EP400: variants seen among roughly 807,000 people sequenced by gnomAD.
The protein encoded by EP400 is E1A-binding protein p400.
In EP400, 105 loss-of-function variants were observed where a neutral mutation model predicts 354.1. That is an observed-to-expected ratio of 0.30 (90% CI 0.25 to 0.35). The LOEUF (loss-of-function observed/expected upper bound fraction) is 0.35, where lower values mean the gene tolerates loss of function less well. Among genes scored for constraint, EP400 ranks in the 10% least tolerant of loss-of-function variants. The pLI is 1.00. For synonymous variants in EP400, 1,646 were observed against 1,716.9 expected (o/e 0.96, Z 1.02); for missense variants, 3,280 against 4,121.0 (o/e 0.80, Z 5.59).
In EP400 at chr12:132,062,542, G is replaced by GCAA. The variant is rs770862381; in HGVS notation, c.8181_8183dup (p.Gln2748dup). On this transcript the variant is annotated inframe_insertion, in exon 47 of 53. Coordinates refer to ENST00000389561, the MANE Select transcript of EP400 (RefSeq NM_015409.5). The stretch of plus-strand genomic sequence containing the variant: ...TTCTCAGGCAGCAGCAGCAGCAGCA[G>GCAA]CAACAACAGCAGCAGCAGCAGCAGC... 4 of 1,145,952 alleles carry GCAA rather than the reference G, an allele frequency of 3.5e-6. No individual in the cohort carries two copies. The highest frequency in any genetic ancestry group is 2.4e-5 in the Admixed American group (1 of 41,158). The allele number at this position is 1,145,952 out of a possible 1,614,324, so 71.0% of individuals were successfully genotyped here.
In EP400 at chr12:132,067,897, C is replaced by T. The variant is rs940640821; in HGVS notation, c.8874+411C>T. 2.6e-5 allele frequency among the ~76,000 whole-genome samples: 4 copies of T among 152,254 alleles called. No homozygotes were observed. Among genetic ancestry groups the T allele is most frequent in the African/African-American group, 4.8e-5 (2 of 41,536 alleles). Reference sequence around the variant, plus strand: ...GGACAGGGATGCCGTACAGTCTGGACCCCAGACAGGGAATGTGGCCTCTGT... The same window carrying T: ...GGACAGGGATGCCGTACAGTCTGGATCCCAGACAGGGAATGTGGCCTCTGT... On this transcript the variant is annotated intron_variant, in intron 50 of 52. Transcript: ENST00000389561. This position sits in a 1 kb window ranked among gnomAD's most constrained non-coding sequence, Gnocchi z 5.3.
Position 132,045,421 on chromosome 12 carries a change from G to A in EP400, c.6887G>A (p.Gly2296Asp). The change falls in exon 38 of 53, where the codon GGC (glycine) becomes GAC (aspartate). Residue 2296 changes from glycine (G) to aspartate (D), a missense_variant. Physicochemically the swap from Gly to Asp is moderately conservative, Grantham distance 94. Coordinates refer to ENST00000389561, the MANE Select transcript of EP400 (RefSeq NM_015409.5). ...TPGLLKIRRE[G>D]KEQKKNILLK... ...GGACTTCTGAAAATTCGCAGAGAGGGCAAGGAGCAGAAGAAGAATATTCTG... is the reference window on the plus strand; with the variant it reads ...GGACTTCTGAAAATTCGCAGAGAGGACAAGGAGCAGAAGAAGAATATTCTG... 1.2e-6 allele frequency: 2 copies of A among 1,614,246 alleles called. No individual in the cohort carries two copies. The highest frequency in any genetic ancestry group is 1.7e-6 in the Non-Finnish European group (2 of 1,180,056).
chr12:132,017,824 C>T lies in EP400; in HGVS notation c.4110+103C>T, dbSNP rs528078376. On this transcript the variant is annotated intron_variant, in intron 20 of 52. Coordinates refer to ENST00000389561, the MANE Select transcript of EP400 (RefSeq NM_015409.5). This position sits in a 1 kb window ranked among gnomAD's most constrained non-coding sequence, Gnocchi z 5.0. ...AATGGGTTCTCAACCAGCTCTTCTG[C>T]AATTGCAATTGCAGCTCCGCGATAC... The T allele has an allele frequency of 2.0e-5, 25 of 1,223,046 alleles. No homozygotes were observed. The African/African-American group carries it at 3.3e-4, about 16-fold the overall frequency. 75.8% of individuals were successfully genotyped at this position (1,223,046 alleles called of 1,614,324 possible).
chr12:131,991,069 G>A (rs536851062), intron 9 of EP400, among the ~76,000 whole-genome samples: 2 of 152,234 alleles, frequency 1.3e-5, no homozygotes, highest in Non-Finnish European at 2.9e-5. Flanking sequence ...AGCTGCCTCC[G>A]CTCGTTATGT....
intron 15 of EP400, among the ~76,000 whole-genome samples, chr12:132,009,956 T>G (rs1893710406): frequency 6.6e-6 from 1 of 151,040 alleles, no homozygotes; most frequent in African/African-American, 2.4e-5. Flanking sequence ...ATTAGAGAGA[T>G]TACAGCTGTG....
chr12:132,077,346 T>C (rs1218052885), intron 52 of EP400, 55 bp from the exon 53 acceptor site: 5 of 1,554,904 alleles, frequency 3.2e-6, no homozygotes, highest in Non-Finnish European at 4.3e-6. Flanking sequence ...TCCATTTTCC[T>C]GTCCCTGGAC....
At chr12:131,953,919 C>T (rs1007050821) in intron 1 of EP400, among the ~76,000 whole-genome samples, 1 of 150,982 alleles carries the variant, frequency 6.6e-6, no homozygotes, top group African/African-American at 2.4e-5. Context: ...TTGAGACCAC[C>T]CTGGCCAACG....
intron 47 of EP400, 50 bp downstream of exon 47, chr12:132,062,751 G>C (rs1407079560): frequency 6.2e-7 from 1 of 1,603,050 alleles, no homozygotes; most frequent in Non-Finnish European, 8.5e-7. Flanking sequence ...CGGTCAGTCA[G>C]CCCAGCGTCT....
rs770760934 is a variant in EP400, at chr12:132,045,868, G to A, written c.7168G>A (p.Glu2390Lys). Residue 2390 changes from glutamate (E) to lysine (K), a missense_variant, in exon 39 of 53, where the codon GAG (glutamate) becomes AAG (lysine). By Grantham distance (56) the Glu-to-Lys change is moderately conservative. Transcript: ENST00000389561. ...RSSKQCRNRY[E>K]NVIIPREEGK... ...TTCCAAACAGTGCCGGAATCGCTAC[G>A]AGAATGTCATCATTCCACGAGAGGA... 6.2e-7 allele frequency: 1 copy of A among 1,614,184 alleles called. No homozygotes were observed. The highest frequency in any genetic ancestry group is 8.5e-7 in the Non-Finnish European group (1 of 1,180,040).
chr12:131,984,203 GTTCT>G (rs1892777448), intron 5 of EP400, among the ~76,000 whole-genome samples: 2 of 152,092 alleles, frequency 1.3e-5, no homozygotes, highest in Admixed American at 1.3e-4. Context: ...CGGCCTACAG[GTTCT>G]TTATGTTTGA....
chr12:132,034,364 T>C (rs1197702537), intron 30 of EP400, among the ~76,000 whole-genome samples: 1 of 152,140 alleles, frequency 6.6e-6, no homozygotes, highest in African/African-American at 2.4e-5. Context: ...TGTTCTCGAG[T>C]GGGTAGACTT....
chr12:132,021,390 G>A, intron 23 of EP400, 69 bp downstream of exon 23: 2 of 1,433,898 alleles, frequency 1.4e-6, no homozygotes, highest in Admixed American at 5.5e-5. Flanking sequence ...AAGAACACGG[G>A]GATGTAGGAG....
At chr12:132,015,164 G>T (rs770776593) in intron 19 of EP400, among the ~76,000 whole-genome samples, 10 of 152,262 alleles carry the variant, frequency 6.6e-5, no homozygotes, top group Non-Finnish European at 2.9e-5. Flanking sequence ...AGGAGGGAAG[G>T]TAAGTGTGCA....
chr12:132,048,606 T>C (rs189176109), intron 39 of EP400, among the ~76,000 whole-genome samples: 9 of 149,568 alleles, frequency 6.0e-5, no homozygotes, highest in Admixed American at 1.3e-4. Context: ...CACTGCAACC[T>C]CTGCCTCTCA....
At chr12:131,981,721 T>C (rs1436907879) in intron 4 of EP400, 125 bp downstream of exon 4, 1 of 743,126 alleles carries the variant, frequency 1.3e-6, no homozygotes. Flanking sequence ...GTGCCTGAAA[T>C]TGAGATACTT....
intron 15 of EP400, among the ~76,000 whole-genome samples, chr12:132,008,313 A>G (rs1004683390): frequency 1.3e-5 from 2 of 152,212 alleles, no homozygotes; most frequent in African/African-American, 4.8e-5. Flanking sequence ...CTGTTGTTGA[A>G]TACGTCTTCC....
intron 27 of EP400, among the ~76,000 whole-genome samples, chr12:132,028,564 C>G (rs1894383470): frequency 6.6e-6 from 1 of 152,182 alleles, no homozygotes; most frequent in South Asian, 2.1e-4. Context: ...GGGGACAGAT[C>G]ACTGTGTTGC....
rs577206970 is a variant in EP400, at chr12:131,975,437, C to T, written c.1336-4257C>T. 1.1e-4 allele frequency among the ~76,000 whole-genome samples: 16 copies of T among 152,280 alleles called. No individual in the cohort carries two copies. The East Asian group carries it at 2.3e-3, about 22-fold the overall frequency. On this transcript the variant is annotated intron_variant, in intron 2 of 52. Transcript: ENST00000389561. ...CTTCTTATCTGTGTGTTGGTCCTTA[C>T]GCCAGCGCTGCACTGCACTGTCCTG...
chr12:131,994,837 C>T lies in EP400; in HGVS notation c.2738-30C>T. The T allele has an allele frequency of 1.9e-6, 3 of 1,603,392 alleles. No homozygotes were observed. The highest frequency in any genetic ancestry group is 2.7e-5 in the African/African-American group (2 of 74,792). On this transcript the variant is annotated intron_variant, in intron 11 of 52. Transcript: ENST00000389561. This position sits in a 1 kb window ranked among gnomAD's most constrained non-coding sequence, Gnocchi z 4.6. ...AACAGACACTCAAGTGGTGTTGCCT[C>T]TCAGTGACACTTGCTGATAACCATT...
Sources: gnomAD v4.1 joint callset for allele counts (sites outside exome capture counted in the v4.1 genomes callset) on GRCh38, gnomAD v4.1.1 for gene constraint, Gnocchi (gnomAD v3.1) non-coding constraint, MANE v1.5 for transcripts, NCBI Gene and HGNC (gene_info 2026-07-23, HGNC 2026-07-21) for gene names.